DGCR8: variants seen among roughly 807,000 people sequenced by gnomAD.
DGCR8 encodes DGCR8 microprocessor complex subunit, also known as microprocessor complex subunit DGCR8.
DGCR8 carries 14 observed loss-of-function variants against 78.5 expected under a neutral mutation model. The ratio of observed to expected loss-of-function variants is 0.18; its 90% CI spans 0.12 to 0.28. The LOEUF is 0.28. Ranked by LOEUF, DGCR8 falls within the 10% of genes least tolerant of loss-of-function variation. The pLI, the probability that DGCR8 is intolerant of heterozygous loss-of-function variation, is 1.00. For synonymous variants in DGCR8, 399 were observed against 402.4 expected (o/e 0.99, Z 0.10); for missense variants, 702 against 1,022.5 (o/e 0.69, Z 4.28).
chr22:20,087,431 G>T lies in DGCR8; in HGVS notation c.880+110G>T. ...CTGGTGCCAGGTAGTGGGCTGGGTG[G>T]AGGCATGTTTGAGGACAGGACAGAA... is the stretch of plus-strand genomic sequence containing the variant. On this transcript the variant is annotated intron_variant, in intron 3 of 13. Coordinates refer to ENST00000351989, the MANE Select transcript of DGCR8 (RefSeq NM_022720.7). The surrounding 1 kb of genome is among the most constrained non-coding windows in gnomAD (Gnocchi z 4.1). The T allele has an allele frequency of 1.5e-6, 2 of 1,305,286 alleles. No individual in the cohort carries two copies. The highest frequency in any genetic ancestry group is 1.0e-6 in the Non-Finnish European group (1 of 960,282). The allele number at this position is 1,305,286 out of a possible 1,614,324, so 80.9% of individuals were successfully genotyped here. A position where few individuals can be genotyped will look rare whatever the true frequency, so the allele number is the denominator to read the frequency against.
intron 9 of DGCR8, among the ~76,000 whole-genome samples, chr22:20,102,949 A>G (rs1012702955): frequency 1.3e-5 from 2 of 152,272 alleles, no homozygotes; most frequent in South Asian, 2.1e-4. Context: ...CCTGGCCAAC[A>G]TGGTGAAACC....
intron 3 of DGCR8, among the ~76,000 whole-genome samples, chr22:20,088,107 C>G (rs1208279805): frequency 6.6e-6 from 1 of 152,074 alleles, no homozygotes; most frequent in African/African-American, 2.4e-5. Flanking sequence ...GGGAGCAAAG[C>G]AAGGGGCGGG....
At chr22:20,080,605 G>C (rs1164403520) in intron 1 of DGCR8, 2 of 532,554 alleles carry the variant, frequency 3.8e-6, no homozygotes, top group African/African-American at 4.1e-5. Flanking sequence ...AGGCGTTGCC[G>C]ACTCTCGTCG....
Position 20,087,097 on chromosome 22 carries a change from T to G in DGCR8, c.721-65T>G. On this transcript the variant is annotated intron_variant, in intron 2 of 13. Transcript: ENST00000351989. This position sits in a 1 kb window ranked among gnomAD's most constrained non-coding sequence, Gnocchi z 4.1. Reference sequence around the variant, plus strand: ...CTGTGTCTGTTCTCAGGAATGCTGTTGAGCTCTCCTGTTGCAGGAGCATGA... The same window carrying G: ...CTGTGTCTGTTCTCAGGAATGCTGTGGAGCTCTCCTGTTGCAGGAGCATGA... 2.6e-5 allele frequency: 40 copies of G among 1,541,512 alleles called. No individual in the cohort carries two copies. The highest frequency in any genetic ancestry group is 5.5e-5 in the African/African-American group (4 of 73,054).
intron 9 of DGCR8, among the ~76,000 whole-genome samples, chr22:20,099,179 A>C (rs1435608737): frequency 3.3e-5 from 5 of 152,208 alleles, no homozygotes; most frequent in African/African-American, 7.2e-5. Flanking sequence ...TCTCCAGGTC[A>C]GTCAGCTGGG....
rs145313921 is a variant in DGCR8, at chr22:20,085,130, C to T, written c.-277-557C>T. Reference sequence around the variant, plus strand: ...CCTCAGCACGCTGCATCACTGTCCCCGTCCACGTGCTACCCTGTGGGCCCA... The same window carrying T: ...CCTCAGCACGCTGCATCACTGTCCCTGTCCACGTGCTACCCTGTGGGCCCA... On this transcript the variant is annotated intron_variant, in intron 1 of 13. Coordinates refer to ENST00000351989, the MANE Select transcript of DGCR8 (RefSeq NM_022720.7). This position sits in a 1 kb window ranked among gnomAD's most constrained non-coding sequence, Gnocchi z 6.2. 7.3e-3 allele frequency: 5,713 copies of T among 785,804 alleles called. 17 individuals carry two copies. The highest frequency in any genetic ancestry group is 0.015 in the Middle Eastern group (23 of 1,572). The allele number at this position is 785,804 out of a possible 1,614,324, so 48.7% of individuals were successfully genotyped here.
rs570607619 is a variant in DGCR8, at chr22:20,102,459, C to T, written c.1789-3718C>T. ...TCTCTCCATTCTTCCTTGAGGGACACTGACAGGTTTCTGGGTTTTGGTGAT... is the reference window on the plus strand; with the variant it reads ...TCTCTCCATTCTTCCTTGAGGGACATTGACAGGTTTCTGGGTTTTGGTGAT... On this transcript the variant is annotated intron_variant, in intron 9 of 13. Coordinates refer to ENST00000351989, the MANE Select transcript of DGCR8 (RefSeq NM_022720.7). 6.9e-4 allele frequency among the ~76,000 whole-genome samples: 105 copies of T among 152,316 alleles called. 1 individual carries two copies. The highest frequency in any genetic ancestry group is 3.4e-4 in the Non-Finnish European group (23 of 68,038).
intron 3 of DGCR8, among the ~76,000 whole-genome samples, chr22:20,088,705 C>T (rs1271544630): frequency 6.6e-6 from 1 of 152,226 alleles, no homozygotes; most frequent in African/African-American, 2.4e-5. Flanking sequence ...GTGTCAGGTC[C>T]AGGGTCAGGG....
Position 20,091,960 on chromosome 22 carries a change from C to A in DGCR8, c.1596C>A (p.Phe532Leu), listed in dbSNP as rs758875827. Reference protein sequence around the residue: ...RVLKVRPVYNFFECENPSEPF... With the variant: ...RVLKVRPVYNLFECENPSEPF... ...TCAAGGTCCGCCCTGTCTATAATTTCTTTGAATGTGGTAAGTCTAACCTTC... is the reference window on the plus strand; with the variant it reads ...TCAAGGTCCGCCCTGTCTATAATTTATTTGAATGTGGTAAGTCTAACCTTC... Residue 532 changes from phenylalanine to leucine, a missense_variant, in exon 7 of 14, where the codon TTC (phenylalanine) becomes TTA (leucine). Physicochemically the swap from Phe to Leu is conservative, Grantham distance 22 (BLOSUM62 0). Coordinates refer to ENST00000351989, the MANE Select transcript of DGCR8 (RefSeq NM_022720.7). 6.2e-7 allele frequency: 1 copy of A among 1,613,500 alleles called. No homozygotes were observed. Among genetic ancestry groups the A allele is most frequent in the Non-Finnish European group, 8.5e-7 (1 of 1,179,608 alleles).
In DGCR8 at chr22:20,087,068, C is replaced by A. The variant is rs2049493449; in HGVS notation, c.721-94C>A. 6.7e-7 allele frequency: 1 copy of A among 1,493,260 alleles called. No individual in the cohort carries two copies. The highest frequency in any genetic ancestry group is 9.0e-7 in the Non-Finnish European group (1 of 1,108,960). The allele number at this position is 1,493,260 out of a possible 1,614,324, so 92.5% of individuals were successfully genotyped here. On this transcript the variant is annotated intron_variant, in intron 2 of 13. Coordinates refer to ENST00000351989, the MANE Select transcript of DGCR8 (RefSeq NM_022720.7). This position sits in a 1 kb window ranked among gnomAD's most constrained non-coding sequence, Gnocchi z 4.1. ...CATCTAGGCCCCCTGAGAGCACCTC[C>A]TTTCTGTGTCTGTTCTCAGGAATGC...
At chr22:20,096,994 A>G (rs1047847858) in intron 9 of DGCR8, among the ~76,000 whole-genome samples, 9 of 152,110 alleles carry the variant, frequency 5.9e-5, no homozygotes, top group Admixed American at 3.3e-4. Flanking sequence ...TGGTGAGCCA[A>G]CCTTGCATTC....
chr22:20,083,893 A>G (rs2049446700), intron 1 of DGCR8, among the ~76,000 whole-genome samples: 1 of 152,176 alleles, frequency 6.6e-6, no homozygotes, highest in South Asian at 2.1e-4. Context: ...GAGCGTCTTC[A>G]GCACTTTATA....
At chr22:20,107,222 C>T (rs1568962500) in intron 11 of DGCR8, 49 bp from the exon 12 acceptor site, 4 of 1,612,980 alleles carry the variant, frequency 2.5e-6, no homozygotes, top group Non-Finnish European at 3.4e-6. Context: ...GCCCCATGAG[C>T]ACTGGGTGTT....
chr22:20,090,251 A>G lies in DGCR8; in HGVS notation c.1299A>G (p.Glu433=), dbSNP rs2049539070. ...CCAAAGTCGAGGTGTGCAAAGATGA[A>G]TCCGTTGGTGAGTTTTTGAAGGACT... ...VKAKVEVCKD[E]SVDLEEFRSY... The change falls in exon 5 of 14, where the codon GAA becomes GAG. Residue 433 remains glutamate (E), a synonymous_variant. Transcript: ENST00000351989. 1 of 1,594,690 alleles carries G rather than the reference A, an allele frequency of 6.3e-7. No homozygotes were observed. Among genetic ancestry groups the G allele is most frequent in the South Asian group, 1.1e-5 (1 of 88,248 alleles).
chr22:20,098,688 C>T (rs2049659850), intron 9 of DGCR8, among the ~76,000 whole-genome samples: 2 of 152,144 alleles, frequency 1.3e-5, no homozygotes, highest in South Asian at 2.1e-4. Flanking sequence ...ATGAAGGTGT[C>T]AGAAGGCTAA....
chr22:20,103,046 C>T (rs746106952), intron 9 of DGCR8, among the ~76,000 whole-genome samples: 5 of 151,834 alleles, frequency 3.3e-5, no homozygotes, highest in Admixed American at 6.6e-5. Context: ...GCAGGAGAAT[C>T]GCTTGAACCC....
At chr22:20,108,674 G>C (rs1681179465) in intron 12 of DGCR8, 1 of 441,280 alleles carries the variant, frequency 2.3e-6, no homozygotes. Flanking sequence ...TGGCAGCTAT[G>C]GACTGCCCCT....
chr22:20,084,535 C>T (rs1040620390), intron 1 of DGCR8, among the ~76,000 whole-genome samples: 3 of 152,196 alleles, frequency 2.0e-5, no homozygotes, highest in African/African-American at 4.8e-5. Flanking sequence ...TGGCCTTCCT[C>T]CTGTGGGTTT....
At position 20,090,102 on chromosome 22, in the gene DGCR8, C is replaced by T; in HGVS notation, c.1150C>T (p.Arg384Ter). ...TGTGTCCCCCGTCAAGCCCCTGAGC[C>T]GATCTGCAGAGCTGGAGTTTCCCCT... ...GDVSPVKPLS[R>*]SAELEFPLDE... The change falls in exon 5 of 14, where the codon CGA (arginine) becomes TGA (stop). Residue 384 changes from arginine to a stop codon, truncating the protein, a stop_gained. Coordinates refer to ENST00000351989, the MANE Select transcript of DGCR8 (RefSeq NM_022720.7). LOFTEE classifies it high-confidence loss of function. The T allele has an allele frequency of 6.2e-7, 1 of 1,614,238 alleles. No homozygotes were observed. Among genetic ancestry groups the T allele is most frequent in the Non-Finnish European group, 8.5e-7 (1 of 1,180,040 alleles).
Sources: gnomAD v4.1 joint callset for allele counts (sites outside exome capture counted in the v4.1 genomes callset) on GRCh38, gnomAD v4.1.1 for gene constraint, Gnocchi (gnomAD v3.1) non-coding constraint, MANE v1.5 for transcripts, NCBI Gene and HGNC (gene_info 2026-07-23, HGNC 2026-07-21) for gene names.